Variants in TOX3 observed in about 807,000 individuals in gnomAD.
The protein encoded by TOX3 is TOX high mobility group box family member 3, also known as CAG trinucleotide repeat-containing gene F9 protein.
A neutral mutation model predicts 64.3 loss-of-function variants in TOX3; 22 were observed. The ratio of observed to expected loss-of-function variants is 0.34; its 90% CI spans 0.24 to 0.49. The LOEUF (loss-of-function observed/expected upper bound fraction) is 0.49, where lower values mean the gene tolerates loss of function less well. TOX3 is among the 20% of genes least tolerant of loss of function. The pLI, the probability that TOX3 is intolerant of heterozygous loss-of-function variation, is 0.99. For missense variants in TOX3, 661 were observed against 714.4 expected, an observed-to-expected ratio of 0.93 and a Z score of 0.85; for synonymous variants, 291 against 273.6, an observed-to-expected ratio of 1.06 and a Z score of -0.63.
chr16:52,524,173 T>G (rs1481405374), intron 1 of TOX3, among the ~76,000 whole-genome samples: 1 of 152,216 alleles, frequency 6.6e-6, no homozygotes, highest in Non-Finnish European at 1.5e-5. Flanking sequence ...TAAGCTATTA[T>G]GAATCTCTAC....
chr16:52,465,005 C>CTT (rs1168498170), intron 2 of TOX3, among the ~76,000 whole-genome samples: 2,133 of 70,802 alleles, frequency 0.03, 634 homozygotes, highest in African/African-American at 0.1. Context: ...TTAATGCATT[C>CTT]TTTTTTTTTT....
intron 1 of TOX3, among the ~76,000 whole-genome samples, chr16:52,508,841 C>T (rs1962228392): frequency 6.6e-6 from 1 of 151,944 alleles, no homozygotes; most frequent in Admixed American, 6.6e-5. Flanking sequence ...TTTAAATTCA[C>T]ATGTATAGCT....
intron 1 of TOX3, among the ~76,000 whole-genome samples, chr16:52,483,564 GTTTT>G (rs11304815): frequency 1.0e-5 from 1 of 99,442 alleles, no homozygotes; most frequent in African/African-American, 4.0e-5. Flanking sequence ...GGGCAGTTTG[GTTTT>G]TTTTTTTTTT....
intron 5 of TOX3, chr16:52,445,118 A>G (rs551036951): frequency 6.6e-6 from 1 of 152,216 alleles, no homozygotes; most frequent in Non-Finnish European, 1.5e-5. Flanking sequence ...TCAGTCTGCT[A>G]TCTACAGTAA....
chr16:52,440,971 C>G (rs768302778), intron 6 of TOX3, among the ~76,000 whole-genome samples: 1 of 151,732 alleles, frequency 6.6e-6, no homozygotes, highest in Non-Finnish European at 1.5e-5. Flanking sequence ...ACCATGTTAG[C>G]CAGGATGGTC....
intron 1 of TOX3, among the ~76,000 whole-genome samples, chr16:52,474,808 T>C (rs1419947869): frequency 6.6e-6 from 1 of 151,788 alleles, no homozygotes; most frequent in African/African-American, 2.4e-5. Flanking sequence ...TGCTCAAAAC[T>C]CTCCAATGGC....
chr16:52,516,845 A>T (rs1962472470), intron 1 of TOX3, among the ~76,000 whole-genome samples: 1 of 152,202 alleles, frequency 6.6e-6, no homozygotes, highest in African/African-American at 2.4e-5. Flanking sequence ...ACAACTGTAC[A>T]TGTTTGTCAA....
At chr16:52,461,147 A>C (rs1350526583) in intron 3 of TOX3, among the ~76,000 whole-genome samples, 2 of 152,164 alleles carry the variant, frequency 1.3e-5, no homozygotes, top group East Asian at 3.8e-4. Flanking sequence ...TTAGAATTGC[A>C]ATCTTTTGTG....
At chr16:52,453,480 G>A (rs914889000) in intron 3 of TOX3, among the ~76,000 whole-genome samples, 1 of 152,142 alleles carries the variant, frequency 6.6e-6, no homozygotes, top group Non-Finnish European at 1.5e-5. Flanking sequence ...CACCGTGCCC[G>A]GCCCAGAATG....
chr16:52,462,644 C>A (rs916592946), intron 3 of TOX3, among the ~76,000 whole-genome samples: 4 of 151,956 alleles, frequency 2.6e-5, no homozygotes, highest in African/African-American at 9.7e-5. Context: ...CTAAACACAC[C>A]CATTTTATTT....
At chr16:52,454,437 A>T (rs549373267) in intron 3 of TOX3, among the ~76,000 whole-genome samples, 1 of 152,258 alleles carries the variant, frequency 6.6e-6, no homozygotes, top group East Asian at 1.9e-4. Flanking sequence ...CACATAATTG[A>T]TGCATCAAAA....
intron 3 of TOX3, among the ~76,000 whole-genome samples, chr16:52,456,249 T>C (rs758059559): frequency 6.6e-6 from 1 of 152,246 alleles, no homozygotes; most frequent in Non-Finnish European, 1.5e-5. Context: ...CCATACCTCA[T>C]GGACAACCAA....
intron 1 of TOX3, among the ~76,000 whole-genome samples, chr16:52,505,000 A>G (rs1208526842): frequency 1.3e-5 from 2 of 151,930 alleles, no homozygotes; most frequent in Admixed American, 1.3e-4. Flanking sequence ...ACGCCCGGCT[A>G]ATTTTTGTAT....
intron 2 of TOX3, among the ~76,000 whole-genome samples, chr16:52,467,270 C>T (rs1462175345): frequency 6.6e-6 from 1 of 152,050 alleles, no homozygotes; most frequent in Non-Finnish European, 1.5e-5. Context: ...AAAAAAAATC[C>T]TACAGAATGA....
chr16:52,439,567 T>TTGC lies in TOX3; in HGVS notation c.1386_1388dup (p.Gln463dup). Reference sequence around the variant, plus strand: ...GCTGATGCATTTGGTGCTGCTGGAGTTGCTGCTGCTGCATCTGTTGCATCT... The same window carrying TTGC: ...GCTGATGCATTTGGTGCTGCTGGAGTTGCTGCTGCTGCTGCATCTGTTGCATCT... On this transcript the variant is annotated inframe_insertion, in exon 7 of 7. Coordinates refer to ENST00000219746, the MANE Select transcript of TOX3 (RefSeq NM_001080430.4). 1 of 1,545,140 alleles carries TTGC rather than the reference T, an allele frequency of 6.5e-7. No individual in the cohort carries two copies. Among genetic ancestry groups the TTGC allele is most frequent in the African/African-American group, 1.4e-5 (1 of 73,234 alleles).
At chr16:52,534,812 G>A (rs1962916175) in intron 1 of TOX3, among the ~76,000 whole-genome samples, 2 of 152,116 alleles carry the variant, frequency 1.3e-5, no homozygotes, top group South Asian at 4.1e-4. Context: ...ATTAACTAGT[G>A]TTCAAAATTT....
chr16:52,471,957 G>A (rs188699674), intron 1 of TOX3, among the ~76,000 whole-genome samples: 37 of 152,182 alleles, frequency 2.4e-4, no homozygotes, highest in African/African-American at 7.2e-4. Flanking sequence ...TTTACATTCC[G>A]GTATCTGCAA....
At chr16:52,486,923 G>C (rs980563922) in intron 1 of TOX3, among the ~76,000 whole-genome samples, 1 of 151,972 alleles carries the variant, frequency 6.6e-6, no homozygotes, top group Non-Finnish European at 1.5e-5. Flanking sequence ...GCAACAAAGC[G>C]AGCCTCTACA....
intron 3 of TOX3, among the ~76,000 whole-genome samples, chr16:52,462,917 T>C (rs1960735535): frequency 1.3e-5 from 2 of 152,132 alleles, no homozygotes; most frequent in South Asian, 4.1e-4. Flanking sequence ...GAAAATTATG[T>C]TGCTGCAATC....
Sources: gnomAD v4.1 joint callset for allele counts (sites outside exome capture counted in the v4.1 genomes callset) on GRCh38, gnomAD v4.1.1 for gene constraint, MANE v1.5 for transcripts, NCBI Gene and HGNC (gene_info 2026-07-23, HGNC 2026-07-21) for gene names.